Variants in UGT2B15 observed in about 807,000 individuals in gnomAD.
The protein encoded by UGT2B15 is UDP glucuronosyltransferase family 2 member B15.
Under a neutral mutation model 45.9 loss-of-function variants are expected in UGT2B15, and 36 were observed. The observed-to-expected ratio is 0.78, with a 90% CI of 0.60 to 1.04. The LOEUF (loss-of-function observed/expected upper bound fraction) is 1.04, where lower values mean the gene tolerates loss of function less well. Among genes scored for constraint, UGT2B15 ranks in the 50% least tolerant of loss-of-function variants. The pLI, the probability that UGT2B15 is intolerant of heterozygous loss-of-function variation, is 0.00. For missense variants in UGT2B15, 617 were observed against 622.4 expected, an observed-to-expected ratio of 0.99 and a Z score of 0.09; for synonymous variants, 219 against 216.4, an observed-to-expected ratio of 1.01 and a Z score of -0.11.
At chr4:68,665,545 A>C (rs1733094566) in intron 2 of UGT2B15, among the ~76,000 whole-genome samples, 1 of 152,152 alleles carries the variant, frequency 6.6e-6, no homozygotes, top group Admixed American at 6.5e-5. Context: ...GTACAGTTTC[A>C]TGTGAGTATA....
At chr4:68,653,088 T>C (rs1732702657) in intron 5 of UGT2B15, among the ~76,000 whole-genome samples, 1 of 152,032 alleles carries the variant, frequency 6.6e-6, no homozygotes, top group Non-Finnish European at 1.5e-5. Context: ...TGCAAATACT[T>C]TGAAAAACAG....
rs1732567898 is a variant in UGT2B15, at chr4:68,648,947, C to T, written c.1314-1564G>A. Among the ~76,000 whole-genome samples, 2 of 151,742 alleles carry T rather than the reference C, an allele frequency of 1.3e-5. 1 individual carries two copies. The highest frequency in any genetic ancestry group is 4.2e-4 in the South Asian group (2 of 4,812). On this transcript the variant is annotated intron_variant, in intron 5 of 5. Coordinates refer to ENST00000338206, the MANE Select transcript of UGT2B15 (RefSeq NM_001076.4). Reference sequence around the variant, plus strand: ...TATTTGTGTTGTTAACATTTTTTGACCTTACTAATAATTATGGTATTAAGA... The same window carrying T: ...TATTTGTGTTGTTAACATTTTTTGATCTTACTAATAATTATGGTATTAAGA...
chr4:68,669,009 A>T (rs1733222985), intron 1 of UGT2B15, among the ~76,000 whole-genome samples: 2 of 151,508 alleles, frequency 1.3e-5, no homozygotes, highest in Non-Finnish European at 2.9e-5. Flanking sequence ...GAAGTACTCT[A>T]GTGTCTACAG....
At chr4:68,658,138 T>A (rs1287973992) in intron 3 of UGT2B15, among the ~76,000 whole-genome samples, 1 of 152,054 alleles carries the variant, frequency 6.6e-6, no homozygotes, top group Non-Finnish European at 1.5e-5. Flanking sequence ...GGAAGTCTAA[T>A]ATGGCAAAAT....
At chr4:68,654,012 C>A (rs1732727733) in intron 5 of UGT2B15, 25 bp downstream of exon 5, 3 of 1,602,382 alleles carry the variant, frequency 1.9e-6, no homozygotes, top group Non-Finnish European at 2.6e-6. Context: ...TAAATACCAC[C>A]TGGTCACAAA....
In UGT2B15 at chr4:68,654,060, C is replaced by T. The variant is rs746934157; in HGVS notation, c.1290G>A (p.Leu430=). 1.2e-5 allele frequency: 20 copies of T among 1,613,468 alleles called. No individual in the cohort carries two copies. In the South Asian group the frequency reaches 2.2e-4, roughly 18 times the overall value. The change falls in exon 5 of 6, where the codon TTG becomes TTA. Residue 430 remains leucine, a synonymous_variant. Transcript: ENST00000338206. The part of the protein sequence containing the change: ...TMSSRDLLNA[L]KSVINDPVYK... ...ACACAGGGTCATTAATGACTGACTT[C>T]AATGCATTGAGCAAATCTCTACTTG...
At chr4:68,655,929 A>G (rs1370103368) in intron 3 of UGT2B15, among the ~76,000 whole-genome samples, 1 of 152,024 alleles carries the variant, frequency 6.6e-6, no homozygotes, top group Non-Finnish European at 1.5e-5. Context: ...AGAGATTCTG[A>G]GTGGAGGTTC....
intron 3 of UGT2B15, among the ~76,000 whole-genome samples, chr4:68,656,484 G>T (rs1443661293): frequency 6.7e-6 from 1 of 148,642 alleles, no homozygotes; most frequent in African/African-American, 2.5e-5. Flanking sequence ...ATTCCAAATT[G>T]TGGGTAACAA....
chr4:68,658,072 C>T (rs1307791173), intron 3 of UGT2B15, among the ~76,000 whole-genome samples: 3 of 151,880 alleles, frequency 2.0e-5, no homozygotes, highest in African/African-American at 7.3e-5. Flanking sequence ...TTACAACTGC[C>T]TATGGTGATC....
At position 68,647,040 on chromosome 4, in the gene UGT2B15, C is replaced by G; in HGVS notation, c.*64G>C. 1.3e-6 allele frequency: 2 copies of G among 1,547,624 alleles called. No homozygotes were observed. The highest frequency in any genetic ancestry group is 2.5e-5 in the South Asian group (2 of 78,860). On this transcript the variant is annotated 3_prime_UTR_variant, in exon 6 of 6. Coordinates refer to ENST00000338206, the MANE Select transcript of UGT2B15 (RefSeq NM_001076.4). ...AAAAGGAAATCCTCCATTTAAAACC[C>G]TCCATGCTGAAATAAAGGAGGAGTC...
chr4:68,659,500 T>C (rs545685150), intron 3 of UGT2B15, among the ~76,000 whole-genome samples: 29 of 152,116 alleles, frequency 1.9e-4, no homozygotes, highest in African/African-American at 5.8e-4. Context: ...ATGTTATTGT[T>C]ATGTGTTCCA....
chr4:68,658,531 T>C (rs918320583), intron 3 of UGT2B15, among the ~76,000 whole-genome samples: 2 of 152,102 alleles, frequency 1.3e-5, no homozygotes, highest in Non-Finnish European at 2.9e-5. Flanking sequence ...GTTACAAAAC[T>C]GTAAACCAAG....
intron 3 of UGT2B15, among the ~76,000 whole-genome samples, chr4:68,657,975 T>C (rs976327389): frequency 4.6e-5 from 7 of 152,078 alleles, no homozygotes; most frequent in African/African-American, 9.7e-5. Flanking sequence ...GCACACCAAA[T>C]TTTTTGTCTC....
chr4:68,647,914 G>A (rs915508205), intron 5 of UGT2B15, among the ~76,000 whole-genome samples: 1 of 151,740 alleles, frequency 6.6e-6, no homozygotes, highest in Admixed American at 6.6e-5. Flanking sequence ...TAGATATGAG[G>A]TGTTGCTGTA....
intron 3 of UGT2B15, among the ~76,000 whole-genome samples, chr4:68,658,759 ACACTAT>A (rs1322036093): frequency 6.6e-6 from 1 of 152,070 alleles, no homozygotes; most frequent in Non-Finnish European, 1.5e-5. Context: ...TGAAATGGCA[ACACTAT>A]CCTTCAACTC....
intron 3 of UGT2B15, among the ~76,000 whole-genome samples, chr4:68,656,439 T>A (rs1468833624): frequency 6.6e-6 from 1 of 151,548 alleles, no homozygotes; most frequent in Non-Finnish European, 1.5e-5. Context: ...TCAGATTTGA[T>A]GAACTTTACC....
intron 5 of UGT2B15, among the ~76,000 whole-genome samples, chr4:68,650,110 G>A (rs549309822): frequency 3.3e-5 from 5 of 151,956 alleles, no homozygotes; most frequent in South Asian, 4.2e-4. Flanking sequence ...CTGGGATTAC[G>A]GGCGTGAGTC....
At chr4:68,647,423 T>C (rs775582339) in intron 5 of UGT2B15, 40 bp from the exon 6 acceptor site, 3 of 1,576,876 alleles carry the variant, frequency 1.9e-6, no homozygotes, top group East Asian at 4.5e-5. Context: ...TAAAAGTAAA[T>C]TTATTGCTTA....
intron 1 of UGT2B15, among the ~76,000 whole-genome samples, chr4:68,669,371 G>A (rs1307011142): frequency 6.6e-6 from 1 of 152,036 alleles, no homozygotes; most frequent in African/African-American, 2.4e-5. Flanking sequence ...GAAATCTCAA[G>A]TTTTAGGCTT....
Sources: allele counts gnomAD v4.1 joint callset (sites outside exome capture counted in the v4.1 genomes callset), GRCh38; gene constraint gnomAD v4.1.1; transcripts MANE v1.5; gene names NCBI Gene and HGNC (gene_info 2026-07-23, HGNC 2026-07-21).